Variants in ABTB2 observed in about 807,000 individuals in gnomAD.
ABTB2 encodes the protein ankyrin repeat and BTB domain containing 2.
A neutral mutation model predicts 104.1 loss-of-function variants in ABTB2; 56 were observed. The observed-to-expected ratio is 0.54, with a 90% CI of 0.43 to 0.67. ABTB2 has a LOEUF of 0.67. Ranked by LOEUF, ABTB2 falls within the 30% of genes least tolerant of loss-of-function variation. ABTB2 has a pLI of 0.00. For synonymous variants in ABTB2, 606 were observed against 608.2 expected (o/e 1.00, Z 0.05); for missense variants, 1,279 against 1,407.7 (o/e 0.91, Z 1.46).
At chr11:34,222,121 G>A (rs1345527601) in intron 1 of ABTB2, among the ~76,000 whole-genome samples, 2 of 152,160 alleles carry the variant, frequency 1.3e-5, no homozygotes, top group South Asian at 2.1e-4. Context: ...GAAGCAAGGG[G>A]TGGGGCTTCC....
At chr11:34,319,202 C>T (rs1299447596) in intron 1 of ABTB2, among the ~76,000 whole-genome samples, 1 of 152,240 alleles carries the variant, frequency 6.6e-6, no homozygotes, top group Non-Finnish European at 1.5e-5. Flanking sequence ...ATCTGACACA[C>T]AAGAAGCCTT....
intron 1 of ABTB2, among the ~76,000 whole-genome samples, chr11:34,274,476 A>T (rs530544321): frequency 6.6e-6 from 1 of 151,896 alleles, no homozygotes; most frequent in African/African-American, 2.4e-5. Flanking sequence ...TATTAATACT[A>T]TGATTCTTTC....
intron 1 of ABTB2, among the ~76,000 whole-genome samples, chr11:34,323,906 C>CTTTTTTTTTTTTTTT (rs56375939): frequency 1.6e-5 from 1 of 63,878 alleles, no homozygotes; most frequent in African/African-American, 7.5e-5. Context: ...TAAATTCCCT[C>CTTTTTTTTTTTTTTT]TTTTTTTTTT....
chr11:34,350,873 G>A (rs1248625976), intron 1 of ABTB2, among the ~76,000 whole-genome samples: 3 of 152,194 alleles, frequency 2.0e-5, no homozygotes, highest in Non-Finnish European at 4.4e-5. Context: ...TCATTATTGA[G>A]CTTAGTTATT....
chr11:34,170,831 G>A lies in ABTB2; in HGVS notation c.1563+75C>T, dbSNP rs994727531. On this transcript the variant is annotated intron_variant, in intron 5 of 16. Coordinates refer to ENST00000435224, the MANE Select transcript of ABTB2 (RefSeq NM_145804.3). ...AGCAAATCTCAGGGTTAGGACAGAG[G>A]GCCGCCAATGCTGGGAGCTGAGAAT... 10 of 1,551,772 alleles carry A rather than the reference G, an allele frequency of 6.4e-6. No individual in the cohort carries two copies. In the African/African-American group the frequency reaches 1.1e-4, roughly 17 times the overall value.
intron 14 of ABTB2, 82 bp downstream of exon 14, chr11:34,159,214 A>G (rs1852672593): frequency 4.9e-6 from 5 of 1,015,136 alleles, no homozygotes; most frequent in South Asian, 2.7e-5. Flanking sequence ...AACAATGACA[A>G]CCAATGCACA....
intron 1 of ABTB2, among the ~76,000 whole-genome samples, chr11:34,287,464 G>A (rs529401572): frequency 4.6e-5 from 7 of 152,240 alleles, no homozygotes; most frequent in Admixed American, 6.5e-5. Context: ...TGGAAGAATC[G>A]CTTGAATCTG....
intron 5 of ABTB2, among the ~76,000 whole-genome samples, chr11:34,169,268 C>T (rs1424971287): frequency 2.0e-5 from 3 of 152,158 alleles, no homozygotes; most frequent in Non-Finnish European, 4.4e-5. Flanking sequence ...CCACGCACTC[C>T]AGACATATAA....
chr11:34,236,074 C>G (rs1211867126), intron 1 of ABTB2, among the ~76,000 whole-genome samples: 1 of 152,070 alleles, frequency 6.6e-6, no homozygotes, highest in Admixed American at 6.6e-5. Flanking sequence ...GGTGGGTACA[C>G]CCCTGCAAGG....
At position 34,191,700 on chromosome 11, in the gene ABTB2, G is replaced by C. The variant is rs575089255; in HGVS notation, c.1244+5625C>G. On this transcript the variant is annotated intron_variant, in intron 3 of 16. Coordinates refer to ENST00000435224, the MANE Select transcript of ABTB2 (RefSeq NM_145804.3). Reference sequence around the variant, plus strand: ...GGCCCCAAGAAGGGAAGTGTGGGAAGAAGGACAAATAAAACCCAGCCAATC... The same window carrying C: ...GGCCCCAAGAAGGGAAGTGTGGGAACAAGGACAAATAAAACCCAGCCAATC... Among the ~76,000 whole-genome samples, 115 of 152,280 alleles carry C rather than the reference G, an allele frequency of 7.6e-4. 1 individual carries two copies. Among genetic ancestry groups the C allele is most frequent in the Middle Eastern group, 3.4e-3 (1 of 294 alleles).
chr11:34,253,052 A>G (rs916337800), intron 1 of ABTB2, among the ~76,000 whole-genome samples: 5 of 152,106 alleles, frequency 3.3e-5, no homozygotes, highest in African/African-American at 1.2e-4. Context: ...AGTCCAAGTG[A>G]TCTCCTCAAT....
At chr11:34,351,016 C>T (rs1210597063) in intron 1 of ABTB2, among the ~76,000 whole-genome samples, 1 of 152,208 alleles carries the variant, frequency 6.6e-6, no homozygotes, top group African/African-American at 2.4e-5. Context: ...AGACCTATTA[C>T]TACAGCTGCA....
intron 3 of ABTB2, among the ~76,000 whole-genome samples, chr11:34,174,153 T>C (rs573135737): frequency 6.6e-6 from 1 of 150,826 alleles, no homozygotes; most frequent in South Asian, 2.1e-4. Context: ...GCTAACACAG[T>C]CTCTGTTAAA....
chr11:34,331,608 C>T (rs1855131979), intron 1 of ABTB2, among the ~76,000 whole-genome samples: 1 of 152,164 alleles, frequency 6.6e-6, no homozygotes, highest in Non-Finnish European at 1.5e-5. Flanking sequence ...TAACAAACAT[C>T]TCTCTCTTCT....
chr11:34,159,786 C>T (rs1852682015), intron 13 of ABTB2, 120 bp downstream of exon 13: 1 of 778,128 alleles, frequency 1.3e-6, no homozygotes, highest in Non-Finnish European at 2.1e-6. Flanking sequence ...AATGTGACTG[C>T]AGTCTGAGGG....
At chr11:34,230,831 C>T (rs1477089485) in intron 1 of ABTB2, among the ~76,000 whole-genome samples, 1 of 152,176 alleles carries the variant, frequency 6.6e-6, no homozygotes, top group Admixed American at 6.5e-5. Flanking sequence ...CCCAGACACT[C>T]CAGTAGCAAG....
chr11:34,273,851 C>T (rs1329704177), intron 1 of ABTB2, among the ~76,000 whole-genome samples: 1 of 152,104 alleles, frequency 6.6e-6, no homozygotes, highest in Admixed American at 6.6e-5. Flanking sequence ...TGAGACCCTG[C>T]CTCAAAAATA....
At chr11:34,220,264 C>G (rs1853603075) in intron 1 of ABTB2, among the ~76,000 whole-genome samples, 1 of 152,146 alleles carries the variant, frequency 6.6e-6, no homozygotes, top group Non-Finnish European at 1.5e-5. Context: ...AGTGACCTAC[C>G]CAGCTCCATT....
intron 9 of ABTB2, 59 bp from the exon 10 acceptor site, chr11:34,162,864 G>A (rs938443461): frequency 2.0e-6 from 3 of 1,489,448 alleles, no homozygotes; most frequent in Non-Finnish European, 1.8e-6. Context: ...GTGCCCACCT[G>A]AGCTGTCCCC....
Sources: allele counts gnomAD v4.1 joint callset (sites outside exome capture counted in the v4.1 genomes callset), GRCh38; gene constraint gnomAD v4.1.1; transcripts MANE v1.5; gene names NCBI Gene and HGNC (gene_info 2026-07-23, HGNC 2026-07-21).